The following MARCHF1 variants were observed in gnomAD, a reference collection of about 807,000 sequenced individuals.
The protein encoded by MARCHF1 is membrane associated ring-CH-type finger 1.
In MARCHF1, 40 loss-of-function variants were observed where a neutral mutation model predicts 54.2. The ratio of observed to expected loss-of-function variants is 0.74; its 90% CI spans 0.57 to 0.96. The LOEUF is 0.96. Ranked by LOEUF, MARCHF1 falls within the 40% of genes least tolerant of loss-of-function variation. The pLI, the probability that MARCHF1 is intolerant of heterozygous loss-of-function variation, is 0.00. For synonymous variants in MARCHF1, 236 were observed against 236.3 expected, an observed-to-expected ratio of 1.00 and a Z score of 0.01; for missense variants, 586 against 656.5, an observed-to-expected ratio of 0.89 and a Z score of 1.17.
chr4:164,015,878 T>C (rs978697048), intron 2 of MARCHF1, among the ~76,000 whole-genome samples: 1 of 149,080 alleles, frequency 6.7e-6, no homozygotes, highest in African/African-American at 2.5e-5. Flanking sequence ...ACAGCAACTA[T>C]GGAAAACAGT....
At chr4:164,131,401 G>A (rs1033867509) in intron 1 of MARCHF1, among the ~76,000 whole-genome samples, 3 of 152,050 alleles carry the variant, frequency 2.0e-5, no homozygotes, top group South Asian at 2.1e-4. Context: ...CTTTCTGTCA[G>A]AGCAAATTAC....
intron 3 of MARCHF1, among the ~76,000 whole-genome samples, chr4:163,884,888 A>T (rs1750494722): frequency 6.6e-6 from 1 of 152,172 alleles, no homozygotes; most frequent in Non-Finnish European, 1.5e-5. Context: ...TACCAAAAAT[A>T]CTTCAAAAGA....
intron 5 of MARCHF1, among the ~76,000 whole-genome samples, chr4:163,698,028 C>A (rs1744689352): frequency 6.6e-6 from 1 of 152,066 alleles, no homozygotes. Context: ...ATGCACAGGC[C>A]AAACACTGTT....
At chr4:164,167,676 G>A (rs1349600930) in intron 1 of MARCHF1, among the ~76,000 whole-genome samples, 6 of 151,806 alleles carry the variant, frequency 4.0e-5, no homozygotes, top group South Asian at 4.1e-4. Context: ...ACATAGTGGG[G>A]AACAATAATC....
chr4:163,953,169 A>G (rs1187095276), intron 3 of MARCHF1, among the ~76,000 whole-genome samples: 2 of 152,108 alleles, frequency 1.3e-5, no homozygotes, highest in Non-Finnish European at 2.9e-5. Context: ...CAAATATTGC[A>G]TTATTTGTGA....
chr4:163,989,515 C>T (rs1752934858), intron 2 of MARCHF1, among the ~76,000 whole-genome samples: 1 of 152,162 alleles, frequency 6.6e-6, no homozygotes, highest in South Asian at 2.1e-4. Flanking sequence ...GTTTGAATTA[C>T]TAGCAGCTTC....
chr4:164,016,237 A>C (rs1579462879), intron 2 of MARCHF1, among the ~76,000 whole-genome samples: 1 of 152,142 alleles, frequency 6.6e-6, no homozygotes, highest in Admixed American at 6.6e-5. Flanking sequence ...GCAGAAAGGG[A>C]AGCAGGCACA....
At chr4:164,044,726 T>C (rs1754204771) in intron 2 of MARCHF1, among the ~76,000 whole-genome samples, 1 of 152,132 alleles carries the variant, frequency 6.6e-6, no homozygotes, top group Non-Finnish European at 1.5e-5. Context: ...TGAGAGTCTA[T>C]AGTGTTTATA....
chr4:163,903,985 T>C (rs1187306163), intron 3 of MARCHF1, among the ~76,000 whole-genome samples: 3 of 152,196 alleles, frequency 2.0e-5, no homozygotes, highest in African/African-American at 4.8e-5. Flanking sequence ...TTTTTAATTA[T>C]TGTGCTTAAA....
chr4:164,096,005 G>A (rs915856063), intron 2 of MARCHF1, among the ~76,000 whole-genome samples: 1 of 152,230 alleles, frequency 6.6e-6, no homozygotes, highest in East Asian at 1.9e-4. Flanking sequence ...AAAGCAGTAT[G>A]AAGATTTCTT....
intron 2 of MARCHF1, among the ~76,000 whole-genome samples, chr4:164,068,487 C>T (rs936187819): frequency 3.0e-4 from 46 of 152,200 alleles, no homozygotes; most frequent in East Asian, 1.4e-3. Context: ...CCCCACAATT[C>T]GGAGCGGCCG....
chr4:163,934,125 G>A (rs1751740525), intron 3 of MARCHF1, among the ~76,000 whole-genome samples: 1 of 152,138 alleles, frequency 6.6e-6, no homozygotes, highest in Non-Finnish European at 1.5e-5. Context: ...GGGGTGTACA[G>A]TTTGTCTAGT....
At chr4:164,052,497 A>G (rs1024126027) in intron 2 of MARCHF1, among the ~76,000 whole-genome samples, 2 of 152,132 alleles carry the variant, frequency 1.3e-5, no homozygotes, top group Non-Finnish European at 2.9e-5. Context: ...ACGCCACTGC[A>G]CTGCAGCCTG....
chr4:164,298,837 T>C (rs1734477569), intron 1 of MARCHF1, among the ~76,000 whole-genome samples: 1 of 152,102 alleles, frequency 6.6e-6, no homozygotes, highest in Non-Finnish European at 1.5e-5. Context: ...TGATGCAAAG[T>C]GAGGTACTCT....
chr4:164,039,609 A>G (rs1288813325), intron 2 of MARCHF1, among the ~76,000 whole-genome samples: 2 of 152,126 alleles, frequency 1.3e-5, no homozygotes, highest in Non-Finnish European at 2.9e-5. Flanking sequence ...ACTCTGAGAT[A>G]TGAAATTTCA....
intron 4 of MARCHF1, among the ~76,000 whole-genome samples, chr4:163,753,712 G>A (rs1746589288): frequency 6.6e-6 from 1 of 152,132 alleles, no homozygotes; most frequent in African/African-American, 2.4e-5. Context: ...TGTGACAATA[G>A]ACAAAGAGCA....
chr4:164,192,497 T>G (rs1008092556), intron 1 of MARCHF1, among the ~76,000 whole-genome samples: 5 of 152,222 alleles, frequency 3.3e-5, no homozygotes, highest in Admixed American at 2.6e-4. Flanking sequence ...TCTGACCTTC[T>G]TGTTTCCATC....
chr4:163,585,228 A>AT (rs1740368541), intron 8 of MARCHF1: 1 of 152,326 alleles, frequency 6.6e-6, no homozygotes, highest in Admixed American at 6.5e-5. Context: ...ACCTACTCTA[A>AT]TTACACATGT....
chr4:163,678,269 C>T (rs1393856010), intron 5 of MARCHF1, among the ~76,000 whole-genome samples: 1 of 152,142 alleles, frequency 6.6e-6, no homozygotes, highest in African/African-American at 2.4e-5. Flanking sequence ...CAATCGCCAT[C>T]TCAGTGTTGT....
Sources: allele counts gnomAD v4.1 joint callset (sites outside exome capture counted in the v4.1 genomes callset), GRCh38; gene constraint gnomAD v4.1.1; transcripts MANE v1.5; gene names NCBI Gene and HGNC (gene_info 2026-07-23, HGNC 2026-07-21).